Variants in DCP1B observed in about 807,000 individuals in gnomAD.
DCP1B encodes the protein mRNA-decapping enzyme 1B.
DCP1B carries 47 observed loss-of-function variants against 60.5 expected under a neutral mutation model. The observed-to-expected ratio is 0.78, with a 90% CI of 0.61 to 0.99. DCP1B has a LOEUF of 0.99. DCP1B is among the 50% of genes least tolerant of loss of function. The pLI is 0.00. For missense variants in DCP1B, 725 were observed against 756.8 expected (o/e 0.96, Z 0.49); for synonymous variants, 267 against 280.3 (o/e 0.95, Z 0.47).
At chr12:1,960,883 T>G (rs2031097925) in intron 5 of DCP1B, among the ~76,000 whole-genome samples, 1 of 152,228 alleles carries the variant, frequency 6.6e-6, no homozygotes, top group Non-Finnish European at 1.5e-5. Flanking sequence ...TCTGTTTTCC[T>G]TCTCTCTCGC....
intron 3 of DCP1B, among the ~76,000 whole-genome samples, chr12:1,980,642 A>C (rs1008033980): frequency 3.7e-5 from 4 of 107,326 alleles, no homozygotes; most frequent in Non-Finnish European, 6.4e-5. Context: ...AATGCTTATA[A>C]GTGTCATTTT....
intron 3 of DCP1B, chr12:1,992,846 T>A (rs1443190115): frequency 2.6e-6 from 1 of 390,216 alleles, no homozygotes; most frequent in Non-Finnish European, 4.6e-6. Context: ...TCAAACACTT[T>A]GTCAGCTCAC....
At chr12:1,970,634 G>A (rs1353032761) in intron 3 of DCP1B, among the ~76,000 whole-genome samples, 1 of 152,162 alleles carries the variant, frequency 6.6e-6, no homozygotes, top group Non-Finnish European at 1.5e-5. Context: ...TTCCACACAA[G>A]AGGGTCTATC....
chr12:1,999,795 G>T (rs1423336225), intron 1 of DCP1B, among the ~76,000 whole-genome samples: 1 of 152,086 alleles, frequency 6.6e-6, no homozygotes, highest in African/African-American at 2.4e-5. Context: ...AAAAGCATAG[G>T]TAAGTCAGGG....
chr12:1,956,798 C>T (rs2030902109), intron 5 of DCP1B, among the ~76,000 whole-genome samples: 1 of 152,202 alleles, frequency 6.6e-6, no homozygotes, highest in Admixed American at 6.5e-5. Flanking sequence ...AAAAGCCTTG[C>T]TATTTAAAAG....
At chr12:1,993,525 C>T (rs1324437814) in intron 2 of DCP1B, 134 bp from the exon 3 acceptor site, 19 of 1,041,020 alleles carry the variant, frequency 1.8e-5, no homozygotes, top group South Asian at 8.2e-5. Context: ...AGCCTGTACA[C>T]GTACTTCTTC....
chr12:1,957,399 CAAT>C (rs2030921797), intron 5 of DCP1B, among the ~76,000 whole-genome samples: 2 of 152,060 alleles, frequency 1.3e-5, no homozygotes, highest in African/African-American at 2.4e-5. Context: ...AAACAAAATA[CAAT>C]AAAAGTATAA....
intron 3 of DCP1B, among the ~76,000 whole-genome samples, chr12:1,980,538 A>C (rs1407167570): frequency 1.3e-5 from 2 of 151,756 alleles, no homozygotes; most frequent in African/African-American, 4.8e-5. Context: ...TTTTCTTTTC[A>C]TTATCCCAAA....
intron 1 of DCP1B, among the ~76,000 whole-genome samples, chr12:1,999,186 A>G (rs1223960943): frequency 6.6e-6 from 1 of 152,208 alleles, no homozygotes; most frequent in Non-Finnish European, 1.5e-5. Flanking sequence ...TCTGGGTTTT[A>G]TTAAACTGTC....
intron 3 of DCP1B, among the ~76,000 whole-genome samples, chr12:1,983,796 T>C (rs1472940729): frequency 6.6e-6 from 1 of 152,010 alleles, no homozygotes; most frequent in African/African-American, 2.4e-5. Flanking sequence ...TCTTGCTCTA[T>C]TGATTGTAGA....
intron 8 of DCP1B, among the ~76,000 whole-genome samples, chr12:1,947,905 C>CT (rs1487436621): frequency 6.6e-6 from 1 of 152,184 alleles, no homozygotes; most frequent in African/African-American, 2.4e-5. Context: ...TCAAGCAATG[C>CT]TCCCACCTTG....
chr12:1,956,352 A>G (rs1367408934), intron 5 of DCP1B, among the ~76,000 whole-genome samples: 1 of 152,258 alleles, frequency 6.6e-6, no homozygotes, highest in Non-Finnish European at 1.5e-5. Context: ...TCTCTGAAGC[A>G]TCATTTGTTT....
At chr12:1,946,316 ATGT>A in intron 8 of DCP1B, 30 bp from the exon 9 acceptor site, 1 of 1,561,642 alleles carries the variant, frequency 6.4e-7, no homozygotes, top group South Asian at 1.2e-5. Flanking sequence ...ACCCAAGAGA[ATGT>A]TACTTGGTTG....
intron 3 of DCP1B, chr12:1,970,926 G>T: frequency 2.7e-6 from 1 of 370,486 alleles, no homozygotes; most frequent in Non-Finnish European, 4.9e-6. Context: ...GATACGATAC[G>T]GCCATGTCAA....
chr12:1,991,152 C>T (rs1178996359), intron 3 of DCP1B: 1 of 456,050 alleles, frequency 2.2e-6, no homozygotes, highest in East Asian at 6.9e-5. Flanking sequence ...AATAGTAGAG[C>T]AGTACAGGTG....
At chr12:1,966,524 C>T (rs1021151881) in intron 4 of DCP1B, among the ~76,000 whole-genome samples, 2 of 152,158 alleles carry the variant, frequency 1.3e-5, no homozygotes, top group African/African-American at 4.8e-5. Context: ...AGACTTAATT[C>T]TAACTGGGGA....
At chr12:1,982,690 G>A (rs1017595725) in intron 3 of DCP1B, among the ~76,000 whole-genome samples, 5 of 151,862 alleles carry the variant, frequency 3.3e-5, no homozygotes, top group Admixed American at 2.6e-4. Flanking sequence ...TTTTTTGTTC[G>A]CATTTTGCTG....
rs554018084 is a variant in DCP1B, at chr12:1,984,999, G to A, written c.319+8265C>T. On this transcript the variant is annotated intron_variant, in intron 3 of 8. Coordinates refer to ENST00000280665, the MANE Select transcript of DCP1B (RefSeq NM_152640.5). ...CATTCAAAACATTATTATCCTAGAT[G>A]TAACACAATGGTTTTCTCTGGTTTG... 4.0e-5 allele frequency among the ~76,000 whole-genome samples: 6 copies of A among 151,038 alleles called. 1 individual carries two copies. The highest frequency in any genetic ancestry group is 1.5e-4 in the African/African-American group (6 of 41,112).
chr12:1,998,784 C>A (rs543133507), intron 1 of DCP1B, among the ~76,000 whole-genome samples: 1 of 152,296 alleles, frequency 6.6e-6, no homozygotes, highest in South Asian at 2.1e-4. Context: ...TAACCACGAA[C>A]CAGACCTACT....
Sources: allele counts gnomAD v4.1 joint callset (sites outside exome capture counted in the v4.1 genomes callset), GRCh38; gene constraint gnomAD v4.1.1; transcripts MANE v1.5; gene names NCBI Gene and HGNC (gene_info 2026-07-23, HGNC 2026-07-21).